The following FOXN3 variants were observed in gnomAD, a reference collection of about 807,000 sequenced individuals.
The protein encoded by FOXN3 is forkhead box protein N3.
A neutral mutation model predicts 38.4 loss-of-function variants in FOXN3; 7 were observed. The ratio of observed to expected loss-of-function variants is 0.18; its 90% CI spans 0.10 to 0.34. The LOEUF (loss-of-function observed/expected upper bound fraction) is 0.34, where lower values mean the gene tolerates loss of function less well. Ranked by LOEUF, FOXN3 falls within the 10% of genes least tolerant of loss-of-function variation. The probability of loss-of-function intolerance (pLI) is 1.00; values close to 1 mark genes in which losing one functional copy is unlikely to be tolerated. For synonymous variants in FOXN3, 230 were observed against 242.2 expected (o/e 0.95, Z 0.47); for missense variants, 456 against 613.4 (o/e 0.74, Z 2.71).
intron 2 of FOXN3, among the ~76,000 whole-genome samples, chr14:89,377,957 G>A (rs1326811337): frequency 6.6e-6 from 1 of 152,202 alleles, no homozygotes; most frequent in Non-Finnish European, 1.5e-5. Context: ...ATGTGGGGAA[G>A]GCGGCCGTCT....
chr14:89,518,227 C>A (rs1894246674), intron 1 of FOXN3, among the ~76,000 whole-genome samples: 2 of 152,214 alleles, frequency 1.3e-5, no homozygotes, highest in South Asian at 4.1e-4. Flanking sequence ...CTTCGACAGT[C>A]TCCTGCCATG....
intron 4 of FOXN3, among the ~76,000 whole-genome samples, chr14:89,272,634 C>T (rs982758279): frequency 6.6e-6 from 1 of 151,986 alleles, no homozygotes; most frequent in African/African-American, 2.4e-5. Flanking sequence ...GGCAGATCAC[C>T]TGAGGTCAGG....
intron 2 of FOXN3, among the ~76,000 whole-genome samples, chr14:89,393,212 A>T (rs1364283290): frequency 6.6e-6 from 1 of 152,048 alleles, no homozygotes; most frequent in Non-Finnish European, 1.5e-5. Flanking sequence ...AAATGCTGGG[A>T]TTACAGGCAT....
chr14:89,506,165 T>C (rs1596301214), intron 1 of FOXN3, among the ~76,000 whole-genome samples: 1 of 64,824 alleles, frequency 1.5e-5, no homozygotes. Flanking sequence ...GGAGCCCCTC[T>C]GCCCGGCCAG....
chr14:89,505,555 A>G (rs1164454127), intron 1 of FOXN3, among the ~76,000 whole-genome samples: 1 of 152,176 alleles, frequency 6.6e-6, no homozygotes, highest in African/African-American at 2.4e-5. Flanking sequence ...GGGATGGCAG[A>G]CGGAGTTGCG....
rs74778176 is a variant in FOXN3 at position 89,573,275 on chromosome 14, G to A, written c.-15+45753C>T. ...GAATAGATTTCTGGCAAGCAATCCC[G>A]AAGCAGATATGGTCTGAATTGGAAA... On this transcript the variant is annotated intron_variant, in intron 1 of 6. Transcript: ENST00000345097. Among the ~76,000 whole-genome samples the A allele has an allele frequency of 2.8e-3, 434 of 152,292 alleles. 2 individuals carry two copies. The highest frequency in any genetic ancestry group is 5.1e-3 in the Admixed American group (78 of 15,292).
At chr14:89,557,525 G>A (rs1895151498) in intron 1 of FOXN3, among the ~76,000 whole-genome samples, 1 of 152,166 alleles carries the variant, frequency 6.6e-6, no homozygotes, top group Non-Finnish European at 1.5e-5. Flanking sequence ...AGCCCCAGGA[G>A]CTGGCCCATA....
intron 2 of FOXN3, among the ~76,000 whole-genome samples, chr14:89,403,448 C>T (rs1314833498): frequency 3.9e-5 from 6 of 152,212 alleles, no homozygotes; most frequent in African/African-American, 1.4e-4. Flanking sequence ...ATCCGCCCCA[C>T]CTCGGCTTCC....
At position 89,191,960 on chromosome 14, in the gene FOXN3, AT is replaced by A. The variant is rs1473546300; in HGVS notation, c.746-11155del. 1.7e-4 allele frequency among the ~76,000 whole-genome samples: 12 copies of A among 71,924 alleles called. 1 individual carries two copies. The highest frequency in any genetic ancestry group is 1.2e-3 in the African/African-American group (12 of 10,268). The allele number at this position is 71,924 out of a possible 152,430, so 47.2% of individuals were successfully genotyped here. A position where few individuals can be genotyped will look rare whatever the true frequency, so the allele number is the denominator to read the frequency against. The stretch of plus-strand genomic sequence containing the variant: ...CCCACTGATATTAGTATATATATAT[AT>A]ACACATATATATAACTATAATATAT... On this transcript the variant is annotated intron_variant, in intron 4 of 5. Coordinates refer to ENST00000557258, the MANE Select transcript of FOXN3 (RefSeq NM_005197.4).
At chr14:89,433,471 G>T (rs1892208294) in intron 1 of FOXN3, among the ~76,000 whole-genome samples, 1 of 150,010 alleles carries the variant, frequency 6.7e-6, no homozygotes, top group Non-Finnish European at 1.5e-5. Flanking sequence ...GACTAAGCGA[G>T]ACTCCATCTC....
chr14:89,455,591 A>T (rs1892705235), intron 1 of FOXN3, among the ~76,000 whole-genome samples: 1 of 152,176 alleles, frequency 6.6e-6, no homozygotes, highest in African/African-American at 2.4e-5. Context: ...CAGCTGAGTG[A>T]GCCGGCCACA....
Position 89,422,623 on chromosome 14 carries a change from C to T in FOXN3, c.-14-10133G>A, listed in dbSNP as rs183119102. On this transcript the variant is annotated intron_variant, in intron 1 of 6. Transcript: ENST00000345097. ...TCACTTTCCCGCTGTGGAAAAGAGA[C>T]GGCGCCCCTCGGCTGGAAGACCCTT... 8.1e-4 allele frequency among the ~76,000 whole-genome samples: 123 copies of T among 152,328 alleles called. 2 individuals carry two copies. The highest frequency in any genetic ancestry group is 2.8e-4 in the Non-Finnish European group (19 of 68,032).
chr14:89,182,098 T>C (rs1887689666), intron 4 of FOXN3, among the ~76,000 whole-genome samples: 1 of 152,256 alleles, frequency 6.6e-6, no homozygotes, highest in African/African-American at 2.4e-5. Flanking sequence ...TAGAAAATTA[T>C]GTATTCCAAA....
At chr14:89,509,329 GTTGT>G (rs72281256) in intron 1 of FOXN3, among the ~76,000 whole-genome samples, 60,515 of 151,208 alleles carry the variant, frequency 0.4, 13,871 homozygotes, top group Non-Finnish European at 0.52. Flanking sequence ...TTTTTTTGTT[GTTGT>G]TTGTTTGTTT....
chr14:89,193,815 G>A (rs753813008), intron 4 of FOXN3, among the ~76,000 whole-genome samples: 1 of 152,192 alleles, frequency 6.6e-6, no homozygotes, highest in Non-Finnish European at 1.5e-5. Context: ...TACCACGTAG[G>A]AGAGTTCCAG....
chr14:89,262,391 T>A (rs961726270), intron 4 of FOXN3, among the ~76,000 whole-genome samples: 2 of 152,236 alleles, frequency 1.3e-5, no homozygotes, highest in Non-Finnish European at 1.5e-5. Flanking sequence ...GGCACTTTGC[T>A]GCTATCACAA....
At chr14:89,617,016 T>G (rs950517085) in intron 1 of FOXN3, among the ~76,000 whole-genome samples, 1 of 148,228 alleles carries the variant, frequency 6.7e-6, no homozygotes, top group Admixed American at 6.6e-5. Context: ...GCAGGTTTTG[T>G]TTTTGTTTTT....
chr14:89,416,547 T>C (rs964969457), intron 1 of FOXN3, among the ~76,000 whole-genome samples: 1 of 152,070 alleles, frequency 6.6e-6, no homozygotes, highest in Admixed American at 6.5e-5. Context: ...GGGTCTCCAC[T>C]TGATCGGAAC....
intron 1 of FOXN3, among the ~76,000 whole-genome samples, chr14:89,461,168 T>TC (rs1190809519): frequency 6.6e-6 from 1 of 151,410 alleles, no homozygotes; most frequent in East Asian, 1.9e-4. Context: ...AAACCCCATC[T>TC]CTACTAAAAA....
Sources: allele counts gnomAD v4.1 joint callset (sites outside exome capture counted in the v4.1 genomes callset), GRCh38; gene constraint gnomAD v4.1.1; transcripts MANE v1.5; gene names NCBI Gene and HGNC (gene_info 2026-07-23, HGNC 2026-07-21).